The following C1RL variants were observed in gnomAD, a reference collection of about 807,000 sequenced individuals.
The protein encoded by C1RL is complement C1r subcomponent-like protein.
C1RL carries 27 observed loss-of-function variants against 27.9 expected under a neutral mutation model. That is an observed-to-expected ratio of 0.97 (90% CI 0.71 to 1.33). The LOEUF is 1.33. Ranked by LOEUF, C1RL falls within the 40% of genes most tolerant of loss-of-function variation. The pLI is 0.00. For synonymous variants in C1RL, 248 were observed against 252.1 expected, an observed-to-expected ratio of 0.98 and a Z score of 0.15; for missense variants, 563 against 623.9, an observed-to-expected ratio of 0.90 and a Z score of 1.04.
Position 7,108,482 on chromosome 12 carries a change from G to C in C1RL, c.72-3C>G. ...CTCCCCAGAGAAGCAGCCACCACCT[G>C]TGAGTTGGGGGGAGGGCAAGGTGGG... On this transcript the variant is annotated splice_region_variant and splice_polypyrimidine_tract_variant and intron_variant, in intron 1 of 5. Transcript: ENST00000266542. The C allele has an allele frequency of 6.3e-7, 1 of 1,580,648 alleles. No individual in the cohort carries two copies. Among genetic ancestry groups the C allele is most frequent in the Non-Finnish European group, 8.6e-7 (1 of 1,159,866 alleles).
Position 7,104,662 on chromosome 12 carries a change from C to G in C1RL, c.301-2575G>C, listed in dbSNP as rs775462813. ...ACTGGTTCATGCCTTGCATCCTGAACTGCTGCAACAGGCTGTGGCCACCCG... is the reference window on the plus strand; with the variant it reads ...ACTGGTTCATGCCTTGCATCCTGAAGTGCTGCAACAGGCTGTGGCCACCCG... On this transcript the variant is annotated intron_variant, in intron 2 of 5. Coordinates refer to ENST00000266542, the MANE Select transcript of C1RL (RefSeq NM_016546.4). This position sits in a 1 kb window ranked among gnomAD's most constrained non-coding sequence, Gnocchi z 5.4. Among the ~76,000 whole-genome samples the G allele has an allele frequency of 5.3e-5, 8 of 152,324 alleles. No homozygotes were observed. Among genetic ancestry groups the G allele is most frequent in the Non-Finnish European group, 1.2e-4 (8 of 68,024 alleles).
At chr12:7,099,487 T>C (rs2135755335) in intron 5 of C1RL, 199 bp downstream of exon 5, 1 of 982,890 alleles carries the variant, frequency 1.0e-6, no homozygotes, top group East Asian at 1.1e-4. Flanking sequence ...TTTCCTCAGA[T>C]ATATCTTGAC....
chr12:7,107,077 C>T (rs1938786717), intron 2 of C1RL, among the ~76,000 whole-genome samples: 1 of 152,030 alleles, frequency 6.6e-6, no homozygotes, highest in South Asian at 2.1e-4. Flanking sequence ...GAAACAGCTA[C>T]ATGAATTGGC....
At chr12:7,097,722 G>T (rs1180898121) in intron 5 of C1RL, among the ~76,000 whole-genome samples, 1 of 152,194 alleles carries the variant, frequency 6.6e-6, no homozygotes, top group Non-Finnish European at 1.5e-5. Flanking sequence ...GAGCACAGAT[G>T]AGCACATGTT....
At chr12:7,099,225 C>CAAAAAAAAAAAAAAAAAA (rs1180325788) in intron 5 of C1RL, among the ~76,000 whole-genome samples, 1 of 44,392 alleles carries the variant, frequency 2.3e-5, no homozygotes, top group African/African-American at 8.5e-5. Context: ...AACTCCATCC[C>CAAAAAAAAAAAAAAAAAA]AAAAAAAAAA....
At chr12:7,100,420 G>A (rs750138395) in intron 3 of C1RL, among the ~76,000 whole-genome samples, 1 of 152,300 alleles carries the variant, frequency 6.6e-6, no homozygotes, top group Non-Finnish European at 1.5e-5. Flanking sequence ...AGCACCATGT[G>A]TGGCAGCAAA....
rs1321179025 is a variant in C1RL, at chr12:7,095,131, G to A, written c.*1260C>T. The stretch of plus-strand genomic sequence containing the variant: ...AAATCACCTCCAATCTTTTTTTTTT[G>A]GGGGGGATGAAGTCTTGGTCTGTCC... On this transcript the variant is annotated 3_prime_UTR_variant, in exon 6 of 6. Transcript: ENST00000266542. The A allele has an allele frequency of 1.5e-5, 18 of 1,208,378 alleles. No homozygotes were observed. The highest frequency in any genetic ancestry group is 3.3e-5 in the Admixed American group (1 of 30,718). 74.9% of individuals were successfully genotyped at this position (1,208,378 alleles called of 1,614,324 possible).
chr12:7,103,986 C>A (rs754732285), intron 2 of C1RL, among the ~76,000 whole-genome samples: 20 of 152,082 alleles, frequency 1.3e-4, no homozygotes, highest in African/African-American at 4.8e-4. Flanking sequence ...CAACCCCAGT[C>A]GTATGACAGC....
intron 5 of C1RL, 120 bp from the exon 6 acceptor site, chr12:7,097,283 GTTTT>G (rs34071292): frequency 8.5e-4 from 518 of 610,846 alleles, no homozygotes; most frequent in South Asian, 2.5e-3. Context: ...GGATCAGGAC[GTTTT>G]TTTTTTTTTT....
At chr12:7,097,250 A>G (rs1938474030) in intron 5 of C1RL, 87 bp from the exon 6 acceptor site, 3 of 1,128,312 alleles carry the variant, frequency 2.7e-6, no homozygotes, top group Non-Finnish European at 3.7e-6. Flanking sequence ...GTGCTGTGGT[A>G]GGGGACGCGT....
chr12:7,096,894 G>T lies in C1RL; in HGVS notation c.961C>A (p.Arg321Ser), dbSNP rs746562099. The T allele has an allele frequency of 2.5e-6, 4 of 1,599,218 alleles. No individual in the cohort carries two copies. The South Asian group carries it at 3.4e-5, about 13-fold the overall frequency. The stretch of plus-strand genomic sequence containing the variant: ...CGGTAGTCGGGGTGCACAACGACAC[G>T]GTGGACAGGGTGGTTCCCCAGTTTC... ...MLKLGNHPVHRVVVHPDYRQN... is the reference protein window; with the variant it reads ...MLKLGNHPVHSVVVHPDYRQN... Residue 321 changes from arginine (R) to serine (S), a missense_variant, in exon 6 of 6, where the codon CGT (arginine) becomes AGT (serine). Coordinates refer to ENST00000266542, the MANE Select transcript of C1RL (RefSeq NM_016546.4).
intron 5 of C1RL, 139 bp from the exon 6 acceptor site, chr12:7,097,302 T>C: frequency 1.3e-6 from 1 of 741,720 alleles, no homozygotes; most frequent in Non-Finnish European, 2.1e-6. Context: ...TTTTTTTTGA[T>C]ATCGAGTTTC....
chr12:7,108,994 G>GTGTGTGTGTGTGTGTGTGTGTTT, intron 1 of C1RL, 116 bp downstream of exon 1: 1 of 382,632 alleles, frequency 2.6e-6, no homozygotes, highest in Non-Finnish European at 4.7e-6. Context: ...TGTGTGGGGG[G>GTGTGTGTGTGTGTGTGTGTGTTT]GGGGGGGATG....
chr12:7,108,125 C>T, intron 2 of C1RL, 126 bp downstream of exon 2: 1 of 770,962 alleles, frequency 1.3e-6, no homozygotes, highest in South Asian at 2.1e-5. Flanking sequence ...AAGCCAAGCC[C>T]GACTGCCCCT....
intron 1 of C1RL, chr12:7,108,732 T>G (rs1235830029): frequency 5.3e-6 from 3 of 566,270 alleles, no homozygotes; most frequent in South Asian, 2.3e-5. Flanking sequence ...GACATCACCT[T>G]TGCTCATCTC....
chr12:7,108,280 A>T lies in C1RL; in HGVS notation c.271T>A (p.Ser91Thr). ...LVFQDFDLEP[S>T]QDCAGDSVTI... ...ACAGAGTCCCCTGCACAGTCCTGGG[A>T]CGGCTCCAGGTCGAAGTCCTGGAAG... is the stretch of plus-strand genomic sequence containing the variant. The change falls in exon 2 of 6, where the codon TCC (serine) becomes ACC (threonine). Residue 91 changes from serine to threonine, a missense_variant. Coordinates refer to ENST00000266542, the MANE Select transcript of C1RL (RefSeq NM_016546.4). The T allele has an allele frequency of 6.2e-7, 1 of 1,613,862 alleles. No homozygotes were observed. The highest frequency in any genetic ancestry group is 8.5e-7 in the Non-Finnish European group (1 of 1,179,866).
At position 7,104,282 on chromosome 12, in the gene C1RL, G is replaced by C. The variant is rs1211853864; in HGVS notation, c.301-2195C>G. Among the ~76,000 whole-genome samples the C allele has an allele frequency of 6.6e-6, 1 of 152,212 alleles. No homozygotes were observed. Among genetic ancestry groups the C allele is most frequent in the East Asian group, 1.9e-4 (1 of 5,204 alleles). Reference sequence around the variant, plus strand: ...AATCCTAGAATCTCTGTGCACCCAGGCAACTCCCTCTGGCCCACCCTGGCA... The same window carrying C: ...AATCCTAGAATCTCTGTGCACCCAGCCAACTCCCTCTGGCCCACCCTGGCA... On this transcript the variant is annotated intron_variant, in intron 2 of 5. Transcript: ENST00000266542. The surrounding 1 kb of genome is among the most constrained non-coding windows in gnomAD (Gnocchi z 5.4).
In C1RL at chr12:7,097,282, CGT is replaced by C. The variant is rs1491206913; in HGVS notation, c.692-121_692-120del. 9.2e-4 allele frequency: 683 copies of C among 743,876 alleles called. 1 individual carries two copies. Among genetic ancestry groups the C allele is most frequent in the Middle Eastern group, 4.8e-3 (12 of 2,508 alleles). 46.1% of individuals were successfully genotyped at this position (743,876 alleles called of 1,614,324 possible). ...GCGTGAAGAGACTCTGGGATCAGGA[CGT>C]TTTTTTTTTTTTTTTGATATCGAGT... On this transcript the variant is annotated intron_variant, in intron 5 of 5. Transcript: ENST00000266542.
At chr12:7,105,269 CTT>C (rs146287089) in intron 2 of C1RL, among the ~76,000 whole-genome samples, 6 of 147,694 alleles carry the variant, frequency 4.1e-5, no homozygotes, top group African/African-American at 7.4e-5. Context: ...GTGCTCCACT[CTT>C]TTTTTTTTTT....
Sources: gnomAD v4.1 joint callset for allele counts (sites outside exome capture counted in the v4.1 genomes callset) on GRCh38, gnomAD v4.1.1 for gene constraint, Gnocchi (gnomAD v3.1) non-coding constraint, MANE v1.5 for transcripts, NCBI Gene and HGNC (gene_info 2026-07-23, HGNC 2026-07-21) for gene names.